Variants in JMJD1C observed in about 807,000 individuals in gnomAD.
JMJD1C encodes the protein jumonji domain-containing protein 1C.
In JMJD1C, 31 loss-of-function variants were observed where a neutral mutation model predicts 245.3. That is an observed-to-expected ratio of 0.13 (90% CI 0.09 to 0.17). JMJD1C has a LOEUF of 0.17. JMJD1C is among the 10% of genes least tolerant of loss of function. The pLI is 1.00. For missense variants in JMJD1C, 2,691 were observed against 3,000.2 expected (o/e 0.90, Z 2.41); for synonymous variants, 1,057 against 1,017.4 (o/e 1.04, Z -0.74).
intron 1 of JMJD1C, among the ~76,000 whole-genome samples, chr10:63,387,035 G>A (rs1016164810): frequency 2.6e-5 from 4 of 152,106 alleles, no homozygotes; most frequent in Non-Finnish European, 2.9e-5. Context: ...CTAAACCACA[G>A]AAGAAATCAC....
intron 2 of JMJD1C, among the ~76,000 whole-genome samples, chr10:63,376,235 C>T (rs186307467): frequency 2.6e-5 from 4 of 152,124 alleles, no homozygotes; most frequent in East Asian, 1.9e-4. Context: ...GACATCTACA[C>T]GTAAAAAAAA....
rs957863448 is a variant in JMJD1C, at chr10:63,167,286, C to T, written c.*759G>A. 2 of 152,440 alleles carry T rather than the reference C, an allele frequency of 1.3e-5. No individual in the cohort carries two copies. The highest frequency in any genetic ancestry group is 2.9e-5 in the Non-Finnish European group (2 of 68,018). 9.4% of individuals were successfully genotyped at this position (152,440 alleles called of 1,614,324 possible). Reference sequence around the variant, plus strand: ...CCCTTTCAACTTTAATGTACAAAGCCATATGTAACACTTGCACTTTAACAA... The same window carrying T: ...CCCTTTCAACTTTAATGTACAAAGCTATATGTAACACTTGCACTTTAACAA... On this transcript the variant is annotated 3_prime_UTR_variant, in exon 26 of 26. Transcript: ENST00000399262.
Position 63,208,053 on chromosome 10 carries a change from C to T in JMJD1C, c.3616G>A (p.Ala1206Thr). The change falls in exon 10 of 26, where the codon GCA (alanine) becomes ACA (threonine). Residue 1206 changes from alanine to threonine, a missense_variant. Ala to Thr is a moderately conservative substitution (Grantham distance 58). This residue lies in a region of JMJD1C where 1,562 missense variants were observed against 1,490.7 expected (regional missense o/e 1.05). Transcript: ENST00000399262. ...TLRSMPALHR[A>T]PVFHPPIHHS... is the part of the protein sequence containing the mutation. ...TGGATTGGTGGGTGAAATACTGGTG[C>T]TCTATGTAATGCAGGCATACTGCGG... 6.2e-7 allele frequency: 1 copy of T among 1,614,076 alleles called. No homozygotes were observed. The highest frequency in any genetic ancestry group is 8.5e-7 in the Non-Finnish European group (1 of 1,179,982).
Position 63,190,449 on chromosome 10 carries a change from G to A in JMJD1C, c.6291+445C>T, listed in dbSNP as rs555162703. Among the ~76,000 whole-genome samples the A allele has an allele frequency of 1.2e-4, 18 of 152,226 alleles. No individual in the cohort carries two copies. In the South Asian group the frequency reaches 1.5e-3, roughly 12 times the overall value. On this transcript the variant is annotated intron_variant, in intron 17 of 25. Coordinates refer to ENST00000399262, the MANE Select transcript of JMJD1C (RefSeq NM_032776.3). ...GAACTCCTGACCTCGTGATCCAGCC[G>A]CCTCAGTCTCCGAAAGTGCTGGGAT...
intron 2 of JMJD1C, among the ~76,000 whole-genome samples, chr10:63,296,015 T>A (rs191808107): frequency 0.029 from 3,239 of 110,768 alleles, 369 homozygotes; most frequent in Admixed American, 0.16. Context: ...ATATATATAT[T>A]TTTTTTTTTT....
intron 1 of JMJD1C, among the ~76,000 whole-genome samples, chr10:63,463,701 T>A (rs1050542673): frequency 2.0e-5 from 3 of 152,194 alleles, no homozygotes; most frequent in African/African-American, 7.2e-5. Context: ...TGGTTCAACA[T>A]ACATTTTTCT....
chr10:63,410,299 C>T (rs1039414944), intron 1 of JMJD1C, among the ~76,000 whole-genome samples: 6 of 152,136 alleles, frequency 3.9e-5, no homozygotes, highest in Admixed American at 2.6e-4. Context: ...ACTATTCATC[C>T]ACAGTTCAAA....
intron 2 of JMJD1C, among the ~76,000 whole-genome samples, chr10:63,319,460 CTT>C (rs768784867): frequency 6.6e-6 from 1 of 150,916 alleles, no homozygotes; most frequent in South Asian, 2.1e-4. Flanking sequence ...TTTCTTCTCT[CTT>C]GACTCTGAAC....
intron 3 of JMJD1C, among the ~76,000 whole-genome samples, chr10:63,249,798 C>T (rs767712848): frequency 2.0e-5 from 3 of 151,378 alleles, no homozygotes; most frequent in African/African-American, 4.9e-5. Flanking sequence ...AGGCAGAGTT[C>T]GCACTGGGCC....
At chr10:63,497,821 G>A (rs753703642) in intron 1 of JMJD1C, among the ~76,000 whole-genome samples, 5 of 152,150 alleles carry the variant, frequency 3.3e-5, no homozygotes, top group South Asian at 4.1e-4. Context: ...AAGTGGAGGC[G>A]CAAGTAGCAA....
intron 1 of JMJD1C, among the ~76,000 whole-genome samples, chr10:63,434,451 A>T (rs1160367174): frequency 6.6e-6 from 1 of 152,164 alleles, no homozygotes; most frequent in Non-Finnish European, 1.5e-5. Context: ...TTTGTAAGTC[A>T]AGGAGATAAG....
At chr10:63,435,106 GACCT>G (rs1950991553) in intron 1 of JMJD1C, among the ~76,000 whole-genome samples, 1 of 152,190 alleles carries the variant, frequency 6.6e-6, no homozygotes. Flanking sequence ...ATCATTTCCT[GACCT>G]GTAATCTTCT....
At chr10:63,179,771 A>G (rs1564557450) in intron 22 of JMJD1C, among the ~76,000 whole-genome samples, 1 of 118,694 alleles carries the variant, frequency 8.4e-6, no homozygotes, top group Admixed American at 9.7e-5. Flanking sequence ...AGGAGACCCT[A>G]TCTTTAAAAA....
chr10:63,168,625 C>A, intron 24 of JMJD1C, 59 bp from the exon 25 acceptor site: 1 of 1,462,928 alleles, frequency 6.8e-7, no homozygotes. Context: ...AAAGAAAAGC[C>A]AAGTTATTTA....
intron 2 of JMJD1C, among the ~76,000 whole-genome samples, chr10:63,373,469 A>G (rs1401769658): frequency 6.6e-6 from 1 of 152,238 alleles, no homozygotes; most frequent in Non-Finnish European, 1.5e-5. Flanking sequence ...TGATCTCAAG[A>G]AACAGCAGGT....
At chr10:63,370,458 A>G (rs538115929) in intron 2 of JMJD1C, among the ~76,000 whole-genome samples, 1 of 152,326 alleles carries the variant, frequency 6.6e-6, no homozygotes, top group African/African-American at 2.4e-5. Context: ...AGTGAGACAT[A>G]CAGAGTATAA....
In JMJD1C at chr10:63,215,128, G is replaced by T; in HGVS notation, c.1039C>A (p.His347Asn). 1 of 1,565,206 alleles carries T rather than the reference G, an allele frequency of 6.4e-7. No individual in the cohort carries two copies. Among genetic ancestry groups the T allele is most frequent in the Non-Finnish European group, 8.6e-7 (1 of 1,160,948 alleles). Residue 347 changes from histidine (H) to asparagine (N), a missense_variant, in exon 8 of 26, where the codon CAC becomes AAC. Transcript: ENST00000399262. ...RGENPKGKNK[H>N]LMNKRRKPEE... ...GGTTTCCTTCTTTTATTCATCAAGT[G>T]TTTGTTTTTACCTTTAGGATTTTCT...
chr10:63,327,670 A>G (rs1941676234), intron 2 of JMJD1C, among the ~76,000 whole-genome samples: 1 of 151,120 alleles, frequency 6.6e-6, no homozygotes, highest in Non-Finnish European at 1.5e-5. Flanking sequence ...TACACAGAAA[A>G]AATTTTTTTT....
At chr10:63,248,079 T>G (rs945226765) in intron 3 of JMJD1C, among the ~76,000 whole-genome samples, 1 of 151,356 alleles carries the variant, frequency 6.6e-6, no homozygotes, top group South Asian at 2.1e-4. Flanking sequence ...AATACAGAAA[T>G]TAGCTGGGTG....
Sources: allele counts gnomAD v4.1 joint callset (sites outside exome capture counted in the v4.1 genomes callset), GRCh38; gene constraint gnomAD v4.1.1; regional missense constraint gnomAD v4.1.1; transcripts MANE v1.5; gene names NCBI Gene and HGNC (gene_info 2026-07-23, HGNC 2026-07-21).